Variants in TXNRD2 observed in about 807,000 individuals in gnomAD.
TXNRD2 encodes the protein thioredoxin reductase 2, mitochondrial.
TXNRD2 carries 67 observed loss-of-function variants against 70.8 expected under a neutral mutation model. The ratio of observed to expected loss-of-function variants is 0.95; its 90% CI spans 0.78 to 1.16. The LOEUF is 1.16. Ranked by LOEUF, TXNRD2 falls within the 50% of genes most tolerant of loss-of-function variation. The probability of loss-of-function intolerance (pLI) is 0.00; values close to 1 mark genes in which losing one functional copy is unlikely to be tolerated. For synonymous variants in TXNRD2, 301 were observed against 295.8 expected (o/e 1.02, Z -0.18); for missense variants, 644 against 719.9 (o/e 0.89, Z 1.21).
rs764564683 is a variant in TXNRD2, at chr22:19,918,927, G to A, written c.307C>T (p.Leu103=). ...PKKLMHQAAL[L]GGLIQDAPNY... ...GGGGCATCTTGGATCAGGCCTCCCA[G>A]CAGTGCCGCCTGGTGCATCAGCTTC... The change falls in exon 4 of 18, where the codon CTG becomes TTG. Residue 103 remains leucine (L), a synonymous_variant. Transcript: ENST00000400521. The A allele has an allele frequency of 3.7e-5, 59 of 1,612,876 alleles. No homozygotes were observed. Among genetic ancestry groups the A allele is most frequent in the Non-Finnish European group, 5.0e-5 (59 of 1,179,978 alleles).
At chr22:19,915,079 A>G (rs1013423137) in intron 7 of TXNRD2, 135 bp downstream of exon 7, 2 of 842,170 alleles carry the variant, frequency 2.4e-6, no homozygotes, top group African/African-American at 3.4e-5. Context: ...GGAAAGCAGA[A>G]AGTGATGATA....
chr22:19,896,477 CT>C (rs1401012483), intron 10 of TXNRD2, among the ~76,000 whole-genome samples: 4 of 152,220 alleles, frequency 2.6e-5, no homozygotes, highest in Non-Finnish European at 2.9e-5. Flanking sequence ...TGGCCCACCC[CT>C]CCACATGTGG....
chr22:19,919,602 G>T lies in TXNRD2; in HGVS notation c.173-3C>A, dbSNP rs1348276165. On this transcript the variant is annotated splice_region_variant and splice_polypyrimidine_tract_variant and intron_variant, in intron 2 of 17. Transcript: ENST00000400521. ...CACCTTCCTTCCCAGCTGGGCGGCT[G>T]GAAGGATAAGGAGAGCAGCAGGTGA... 2 of 1,558,088 alleles carry T rather than the reference G, an allele frequency of 1.3e-6. No homozygotes were observed.
chr22:19,935,645 G>A (rs369380387), intron 1 of TXNRD2, among the ~76,000 whole-genome samples: 3 of 152,138 alleles, frequency 2.0e-5, no homozygotes, highest in East Asian at 3.8e-4. Flanking sequence ...CTACCGATAC[G>A]TGATGTCACC....
At chr22:19,915,323 T>C in intron 6 of TXNRD2, 47 bp from the exon 7 acceptor site, 1 of 1,589,412 alleles carries the variant, frequency 6.3e-7, no homozygotes, top group Non-Finnish European at 8.6e-7. Context: ...TGCATGGTGA[T>C]CACCCCACCG....
At chr22:19,923,218 C>T (rs1191738625) in intron 2 of TXNRD2, among the ~76,000 whole-genome samples, 1 of 152,154 alleles carries the variant, frequency 6.6e-6, no homozygotes. Context: ...CCCACATGCC[C>T]ACTCTTTAAA....
chr22:19,895,644 T>C, intron 10 of TXNRD2, 63 bp from the exon 11 acceptor site: 3 of 1,586,082 alleles, frequency 1.9e-6, no homozygotes. Flanking sequence ...GCTCTGGCCC[T>C]GCCCTGCTCT....
intron 2 of TXNRD2, among the ~76,000 whole-genome samples, chr22:19,921,880 GAAAAGCATAT>G (rs1353796349): frequency 6.6e-6 from 1 of 152,192 alleles, no homozygotes; most frequent in Non-Finnish European, 1.5e-5. Flanking sequence ...TCTGGACTGG[GAAAAGCATAT>G]AATTCCTGGG....
chr22:19,917,548 C>T (rs1940692313), intron 5 of TXNRD2, among the ~76,000 whole-genome samples: 1 of 152,308 alleles, frequency 6.6e-6, no homozygotes, highest in South Asian at 2.1e-4. Flanking sequence ...GGGAGAAAGG[C>T]TGGGCCAGAG....
Position 19,919,013 on chromosome 22 carries a change from TG to T in TXNRD2, c.230-10del, listed in dbSNP as rs758306642. 1.9e-6 allele frequency: 3 copies of T among 1,606,716 alleles called. No individual in the cohort carries two copies. Among genetic ancestry groups the T allele is most frequent in the Middle Eastern group, 1.7e-4 (1 of 5,884 alleles). On this transcript the variant is annotated splice_polypyrimidine_tract_variant and intron_variant, in intron 3 of 17. Coordinates refer to ENST00000400521, the MANE Select transcript of TXNRD2 (RefSeq NM_006440.5). ...GAGGCCCCACCGGGTGCCTGGGACGTGGGAAGAGCACATTTGAATTTATGTT... is the reference window on the plus strand; with the variant it reads ...GAGGCCCCACCGGGTGCCTGGGACGTGGAAGAGCACATTTGAATTTATGTT...
At chr22:19,920,847 A>G (rs199565713) in intron 2 of TXNRD2, among the ~76,000 whole-genome samples, 3 of 152,136 alleles carry the variant, frequency 2.0e-5, no homozygotes, top group African/African-American at 7.2e-5. Flanking sequence ...TCATGCCTGT[A>G]ATCCCAGCAC....
In TXNRD2 at chr22:19,911,363, C is replaced by A. The variant is rs9606176; in HGVS notation, c.662+14G>T. On this transcript the variant is annotated intron_variant, in intron 8 of 17. Transcript: ENST00000400521. ...AACAAAAAGAGGACCCCACCAAGCA[C>A]GCGCAGGCCTTACGTTTTTCCAGGG... 2.5e-6 allele frequency: 4 copies of A among 1,609,840 alleles called. No homozygotes were observed. Among genetic ancestry groups the A allele is most frequent in the South Asian group, 1.1e-5 (1 of 90,956 alleles).
chr22:19,889,647 T>G (rs1043547773), intron 11 of TXNRD2, among the ~76,000 whole-genome samples: 1 of 151,680 alleles, frequency 6.6e-6, no homozygotes, highest in African/African-American at 2.4e-5. Flanking sequence ...ATTATTATTA[T>G]TATTAATTAT....
rs1009178702 is a variant in TXNRD2 at position 19,905,785 on chromosome 22, A to G, written c.662+5592T>C. Among the ~76,000 whole-genome samples the G allele has an allele frequency of 4.6e-5, 7 of 152,070 alleles. No individual in the cohort carries two copies. In the East Asian group the frequency reaches 1.3e-3, roughly 29 times the overall value. On this transcript the variant is annotated intron_variant, in intron 8 of 17. Transcript: ENST00000400521. ...GGCAGAACTCAGGACGCCGAGTGAG[A>G]ACAGTGCCTCGAGATGGGCACTGGG...
intron 8 of TXNRD2, among the ~76,000 whole-genome samples, chr22:19,903,914 C>T (rs1480644255): frequency 2.6e-5 from 4 of 152,216 alleles, no homozygotes; most frequent in Non-Finnish European, 4.4e-5. Context: ...CCCAGAGGGG[C>T]TCCACTGCCT....
chr22:19,935,644 C>T (rs902003350), intron 1 of TXNRD2, among the ~76,000 whole-genome samples: 52 of 152,192 alleles, frequency 3.4e-4, no homozygotes, highest in Non-Finnish European at 6.0e-4. Context: ...CCTACCGATA[C>T]GTGATGTCAC....
At chr22:19,886,922 G>A (rs532886797) in intron 11 of TXNRD2, among the ~76,000 whole-genome samples, 27 of 152,314 alleles carry the variant, frequency 1.8e-4, no homozygotes, top group African/African-American at 6.0e-4. Flanking sequence ...TTGAGTTCCT[G>A]GGGCAGACCC....
chr22:19,921,250 A>T (rs1256772410), intron 2 of TXNRD2, among the ~76,000 whole-genome samples: 1 of 152,018 alleles, frequency 6.6e-6, no homozygotes, highest in African/African-American at 2.4e-5. Flanking sequence ...CCCTGTCTCT[A>T]CAAAAAATAC....
intron 5 of TXNRD2, chr22:19,916,069 T>C: frequency 1.9e-6 from 1 of 535,376 alleles, no homozygotes; most frequent in Middle Eastern, 3.1e-4. Context: ...TAACCACAGG[T>C]GTCAAAGCAG....
Sources: gnomAD v4.1 joint callset for allele counts (sites outside exome capture counted in the v4.1 genomes callset) on GRCh38, gnomAD v4.1.1 for gene constraint, MANE v1.5 for transcripts, NCBI Gene and HGNC (gene_info 2026-07-23, HGNC 2026-07-21) for gene names.